The following ZNF827 variants were observed in gnomAD, a reference collection of about 807,000 sequenced individuals.
The protein encoded by ZNF827 is zinc finger protein 827.
In ZNF827, 13 loss-of-function variants were observed where a neutral mutation model predicts 102.4. The ratio of observed to expected loss-of-function variants is 0.13; its 90% CI spans 0.08 to 0.20. The LOEUF (loss-of-function observed/expected upper bound fraction) is 0.20. Among genes scored for constraint, ZNF827 ranks in the 10% least tolerant of loss-of-function variants. ZNF827 has a pLI of 1.00. For synonymous variants in ZNF827, 523 were observed against 536.2 expected (o/e 0.98, Z 0.34); for missense variants, 1,103 against 1,344.4 (o/e 0.82, Z 2.81).
chr4:145,770,284 G>A (rs1736042546), intron 11 of ZNF827, among the ~76,000 whole-genome samples: 2 of 151,366 alleles, frequency 1.3e-5, no homozygotes, highest in East Asian at 3.9e-4. Context: ...CGGCAACAGA[G>A]TGAGACCCTG....
At chr4:145,836,127 GC>G (rs967027652) in intron 7 of ZNF827, among the ~76,000 whole-genome samples, 1 of 151,980 alleles carries the variant, frequency 6.6e-6, no homozygotes, top group African/African-American at 2.4e-5. Context: ...TTCACAGACA[GC>G]CCCCGTTACT....
In ZNF827 at chr4:145,758,310, C is replaced by T. The variant is rs1206990968; in HGVS notation, c.*3306G>A. 6.6e-6 allele frequency: 1 copy of T among 152,174 alleles called. No individual in the cohort carries two copies. Among genetic ancestry groups the T allele is most frequent in the East Asian group, 1.9e-4 (1 of 5,198 alleles). 9.4% of individuals were successfully genotyped at this position (152,174 alleles called of 1,614,324 possible). ...TGCATGGCATTTGAGCAGTAAACGTCTCCTTCCTTCACCTCCTCTCGTTCT... is the reference window on the plus strand; with the variant it reads ...TGCATGGCATTTGAGCAGTAAACGTTTCCTTCCTTCACCTCCTCTCGTTCT... On this transcript the variant is annotated 3_prime_UTR_variant, in exon 15 of 15. Transcript: ENST00000508784.
At chr4:145,775,302 T>C (rs968212500) in intron 10 of ZNF827, among the ~76,000 whole-genome samples, 6 of 152,188 alleles carry the variant, frequency 3.9e-5, no homozygotes, top group African/African-American at 1.4e-4. Context: ...AAACCAATAT[T>C]GATTCATGAT....
intron 5 of ZNF827, among the ~76,000 whole-genome samples, chr4:145,861,126 G>A (rs974810956): frequency 1.3e-5 from 2 of 152,156 alleles, no homozygotes; most frequent in African/African-American, 4.8e-5. Flanking sequence ...GTATCCAGAT[G>A]GGCACCATAT....
chr4:145,886,391 C>T (rs115270394), intron 3 of ZNF827, among the ~76,000 whole-genome samples: 148 of 152,224 alleles, frequency 9.7e-4, no homozygotes, highest in African/African-American at 3.2e-3. Flanking sequence ...AGGATGCAGC[C>T]GGCCAACGGA....
intron 7 of ZNF827, among the ~76,000 whole-genome samples, chr4:145,840,953 G>T (rs2126612657): frequency 6.6e-6 from 1 of 152,298 alleles, no homozygotes; most frequent in South Asian, 2.1e-4. Context: ...TTAAATATTG[G>T]TCTGCACAGC....
At chr4:145,798,603 G>A (rs988005066) in intron 8 of ZNF827, among the ~76,000 whole-genome samples, 1 of 152,102 alleles carries the variant, frequency 6.6e-6, no homozygotes, top group Admixed American at 6.6e-5. Context: ...GGAGATGGAG[G>A]TTGCAGTGAG....
chr4:145,800,757 A>G (rs1046008474), intron 8 of ZNF827, among the ~76,000 whole-genome samples: 2 of 152,194 alleles, frequency 1.3e-5, no homozygotes, highest in African/African-American at 4.8e-5. Context: ...TTCCACCTAC[A>G]AGATGCCAGC....
intron 8 of ZNF827, among the ~76,000 whole-genome samples, chr4:145,807,205 A>G (rs974635673): frequency 6.6e-6 from 1 of 152,228 alleles, no homozygotes; most frequent in South Asian, 2.1e-4. Flanking sequence ...CAAGATGTTT[A>G]GCAGTCTCTG....
chr4:145,928,782 G>A (rs1049438283), intron 1 of ZNF827, among the ~76,000 whole-genome samples: 1 of 152,216 alleles, frequency 6.6e-6, no homozygotes, highest in African/African-American at 2.4e-5. Context: ...GCTGGGGAAT[G>A]CAGAACAGTT....
chr4:145,828,251 C>A (rs750675363), intron 7 of ZNF827, among the ~76,000 whole-genome samples: 12 of 152,188 alleles, frequency 7.9e-5, no homozygotes, highest in Non-Finnish European at 1.2e-4. Flanking sequence ...GCCCTTGCTT[C>A]TGAATCCTCA....
At chr4:145,807,791 AAAC>A (rs1205423173) in intron 8 of ZNF827, among the ~76,000 whole-genome samples, 2 of 149,760 alleles carry the variant, frequency 1.3e-5, no homozygotes, top group Non-Finnish European at 2.9e-5. Flanking sequence ...AAAAAACAAA[AAAC>A]AAAAACAAAA....
chr4:145,926,559 A>G (rs1025305062), intron 1 of ZNF827, among the ~76,000 whole-genome samples: 1 of 152,034 alleles, frequency 6.6e-6, no homozygotes, highest in East Asian at 1.9e-4. Context: ...AAATGTACCA[A>G]TTTTTCAAAT....
At chr4:145,853,218 C>A (rs972696425) in intron 5 of ZNF827, among the ~76,000 whole-genome samples, 3 of 152,200 alleles carry the variant, frequency 2.0e-5, no homozygotes, top group Non-Finnish European at 2.9e-5. Context: ...GGTCCCCAGG[C>A]CAGCTCTCTT....
intron 9 of ZNF827, among the ~76,000 whole-genome samples, chr4:145,776,293 C>CA (rs111238295): frequency 7.9e-5 from 12 of 151,740 alleles, no homozygotes; most frequent in South Asian, 4.2e-4. Flanking sequence ...TCCATCTCTA[C>CA]AAAAAAATTT....
rs1443355934 is a variant in ZNF827 at position 145,761,069 on chromosome 4, A to C, written c.*547T>G. ...ACGGTCTGCAGAGCCTGGGAGGCAG[A>C]CATAACTGACAGGGGAGACAGGAGA... On this transcript the variant is annotated 3_prime_UTR_variant, in exon 15 of 15. Transcript: ENST00000508784. The surrounding 1 kb of genome is among the most constrained non-coding windows in gnomAD (Gnocchi z 6.8). 5.4e-6 allele frequency: 7 copies of C among 1,289,322 alleles called. No homozygotes were observed. In the East Asian group the frequency reaches 3.3e-4, roughly 61 times the overall value. The allele number at this position is 1,289,322 out of a possible 1,614,324, so 79.9% of individuals were successfully genotyped here. A position where few individuals can be genotyped will look rare whatever the true frequency, so the allele number is the denominator to read the frequency against.
At chr4:145,837,983 A>T (rs866296065) in intron 7 of ZNF827, among the ~76,000 whole-genome samples, 1 of 144,236 alleles carries the variant, frequency 6.9e-6, no homozygotes, top group Non-Finnish European at 1.5e-5. Flanking sequence ...ACCACCCCCC[A>T]AAAATTTTCG....
At chr4:145,771,885 T>C (rs1413092796) in intron 11 of ZNF827, among the ~76,000 whole-genome samples, 3 of 152,192 alleles carry the variant, frequency 2.0e-5, no homozygotes, top group Non-Finnish European at 4.4e-5. Context: ...GAAAATCAAA[T>C]TAGAGAACAA....
intron 5 of ZNF827, among the ~76,000 whole-genome samples, chr4:145,854,389 G>A (rs13120596): frequency 0.6 from 90,870 of 151,320 alleles, 27,959 homozygotes; most frequent in East Asian, 0.88. Context: ...TGGAACTGTT[G>A]TTACCTACCC....
Sources: gnomAD v4.1 joint callset for allele counts (sites outside exome capture counted in the v4.1 genomes callset) on GRCh38, gnomAD v4.1.1 for gene constraint, Gnocchi (gnomAD v3.1) non-coding constraint, MANE v1.5 for transcripts, NCBI Gene and HGNC (gene_info 2026-07-23, HGNC 2026-07-21) for gene names.